Variants in MCTP1 observed in about 807,000 individuals in gnomAD.
MCTP1 encodes multiple C2 and transmembrane domain containing 1.
MCTP1 carries 69 observed loss-of-function variants against 120.6 expected under a neutral mutation model. That is an observed-to-expected ratio of 0.57 (90% confidence interval 0.47 to 0.70). The LOEUF (loss-of-function observed/expected upper bound fraction) is 0.70. Among genes scored for constraint, MCTP1 ranks in the 30% least tolerant of loss-of-function variants. The pLI is 0.00. For missense variants in MCTP1, 1,203 were observed against 1,248.8 expected (o/e 0.96, Z 0.55); for synonymous variants, 529 against 493.1 (o/e 1.07, Z -0.96).
At chr5:95,275,823 T>TA (rs112353144) in intron 1 of MCTP1, among the ~76,000 whole-genome samples, 1,938 of 152,134 alleles carry the variant, frequency 0.013, 43 homozygotes, top group African/African-American at 0.044. Context: ...GCTAAATGGT[T>TA]GTTACAAGAA....
intron 1 of MCTP1, chr5:95,038,146 C>T (rs952861805): frequency 2.5e-5 from 25 of 983,968 alleles, no homozygotes; most frequent in Non-Finnish European, 3.0e-5. Flanking sequence ...GGATCTCATA[C>T]ACTCAGTTGT....
chr5:95,157,454 T>C (rs1386799809), intron 1 of MCTP1, among the ~76,000 whole-genome samples: 1 of 152,210 alleles, frequency 6.6e-6, no homozygotes, highest in African/African-American at 2.4e-5. Flanking sequence ...TTTTCTAATT[T>C]ATATTATTCT....
chr5:94,776,075 G>GT (rs746710222), intron 19 of MCTP1, among the ~76,000 whole-genome samples: 18 of 151,194 alleles, frequency 1.2e-4, no homozygotes, highest in African/African-American at 4.4e-4. Context: ...GTCTTCCCTG[G>GT]TGCTACAGTC....
chr5:95,240,152 C>T (rs1030656581), intron 1 of MCTP1, among the ~76,000 whole-genome samples: 1 of 151,978 alleles, frequency 6.6e-6, no homozygotes, highest in Non-Finnish European at 1.5e-5. Context: ...AGTTAACTAG[C>T]GAAATCAGTA....
rs1427351043 is a variant in MCTP1, at chr5:94,912,853, C to T, written c.1474G>A (p.Asp492Asn). 1.1e-5 allele frequency: 17 copies of T among 1,584,464 alleles called. No individual in the cohort carries two copies. The highest frequency in any genetic ancestry group is 7.2e-5 in the East Asian group (3 of 41,676). The change falls in exon 9 of 23, where the codon GAT (aspartate) becomes AAT (asparagine). Residue 492 changes from aspartate (D) to asparagine (N), a missense_variant. Physicochemically the swap from Asp to Asn is conservative, Grantham distance 23 (BLOSUM62 1). Transcript: ENST00000515393. ...CCAAGCCGGAACTTCACGTAGGGAT[C>T]GCTCAACCCGTTGGAATCCATGGCC... ...LKAMDSNGLS[D>N]PYVKFRLGHQ...
chr5:95,234,247 GAC>G (rs1755289538), intron 1 of MCTP1, among the ~76,000 whole-genome samples: 1 of 152,198 alleles, frequency 6.6e-6, no homozygotes, highest in African/African-American at 2.4e-5. Flanking sequence ...AGAGGGCTGA[GAC>G]ACAGAGCCAT....
chr5:95,208,424 C>G (rs1205190285), intron 1 of MCTP1, among the ~76,000 whole-genome samples: 1 of 152,108 alleles, frequency 6.6e-6, no homozygotes, highest in Admixed American at 6.6e-5. Context: ...TTTACCACTT[C>G]ATCAAAAGTC....
intron 2 of MCTP1, among the ~76,000 whole-genome samples, chr5:94,975,330 G>T (rs370260798): frequency 6.6e-6 from 1 of 152,146 alleles, no homozygotes; most frequent in African/African-American, 2.4e-5. Context: ...TTTGGATAAG[G>T]TCATGAGGAT....
chr5:94,889,921 C>A (rs1802208044), intron 11 of MCTP1, among the ~76,000 whole-genome samples: 1 of 152,136 alleles, frequency 6.6e-6, no homozygotes, highest in South Asian at 2.1e-4. Flanking sequence ...CTTTTTCAAT[C>A]TCCTCTAGCC....
chr5:95,116,525 T>C (rs1009285100), intron 1 of MCTP1, among the ~76,000 whole-genome samples: 14 of 152,104 alleles, frequency 9.2e-5, no homozygotes, highest in African/African-American at 3.1e-4. Flanking sequence ...AGCTCTTTTT[T>C]GGTTTCATAT....
intron 17 of MCTP1, among the ~76,000 whole-genome samples, chr5:94,862,715 T>C (rs1796045124): frequency 6.6e-6 from 1 of 151,798 alleles, no homozygotes; most frequent in Admixed American, 6.6e-5. Context: ...TAATGCACTA[T>C]GAAAGGCAAT....
intron 1 of MCTP1, among the ~76,000 whole-genome samples, chr5:95,162,231 T>C (rs569243682): frequency 4.6e-5 from 7 of 152,358 alleles, no homozygotes; most frequent in African/African-American, 1.7e-4. Context: ...TTATATCTAC[T>C]CATCTACATC....
intron 2 of MCTP1, among the ~76,000 whole-genome samples, chr5:95,007,689 C>T (rs1488736484): frequency 6.6e-6 from 1 of 152,186 alleles, no homozygotes; most frequent in Non-Finnish European, 1.5e-5. Context: ...TGCCTTATAT[C>T]TGGTAGAAGT....
At chr5:94,902,404 A>C (rs1415487204) in intron 10 of MCTP1, among the ~76,000 whole-genome samples, 1 of 152,176 alleles carries the variant, frequency 6.6e-6, no homozygotes. Flanking sequence ...CTAAGTATAT[A>C]TTATGCCTTA....
chr5:95,224,255 T>C (rs1754014208), intron 1 of MCTP1, among the ~76,000 whole-genome samples: 2 of 152,250 alleles, frequency 1.3e-5, no homozygotes, highest in Non-Finnish European at 2.9e-5. Context: ...GCTTCTTATA[T>C]ACCCACAGAG....
intron 20 of MCTP1, among the ~76,000 whole-genome samples, chr5:94,711,672 A>T (rs934946855): frequency 6.6e-6 from 1 of 152,084 alleles, no homozygotes; most frequent in Non-Finnish European, 1.5e-5. Context: ...CTCAGTATTG[A>T]CAACAAGACA....
intron 1 of MCTP1, among the ~76,000 whole-genome samples, chr5:95,145,511 TATG>T (rs1159121875): frequency 1.3e-5 from 2 of 152,200 alleles, no homozygotes; most frequent in African/African-American, 4.8e-5. Flanking sequence ...GCCTATTCAG[TATG>T]ATGTTGACTG....
chr5:94,713,986 TGAATA>T (rs1758080849), intron 20 of MCTP1, among the ~76,000 whole-genome samples: 1 of 152,182 alleles, frequency 6.6e-6, no homozygotes, highest in Non-Finnish European at 1.5e-5. Flanking sequence ...CACCCCTTCT[TGAATA>T]GACCATTAGC....
chr5:95,118,647 A>G (rs1757993219), intron 1 of MCTP1, among the ~76,000 whole-genome samples: 2 of 152,202 alleles, frequency 1.3e-5, no homozygotes, highest in South Asian at 2.1e-4. Flanking sequence ...CAAGAAACAC[A>G]CTTCACCTAT....
Sources: allele counts gnomAD v4.1 joint callset (sites outside exome capture counted in the v4.1 genomes callset), GRCh38; gene constraint gnomAD v4.1.1; transcripts MANE v1.5; gene names NCBI Gene and HGNC (gene_info 2026-07-23, HGNC 2026-07-21).